The following RNGTT variants were observed in gnomAD, a reference collection of about 807,000 sequenced individuals.
RNGTT encodes RNA guanylyltransferase and 5'-phosphatase.
A neutral mutation model predicts 79.3 loss-of-function variants in RNGTT; 33 were observed. That is an observed-to-expected ratio of 0.42 (90% CI 0.32 to 0.56). The LOEUF is 0.56. RNGTT is among the 20% of genes least tolerant of loss of function. The probability of loss-of-function intolerance (pLI) is 0.17; values close to 1 mark genes in which losing one functional copy is unlikely to be tolerated. For missense variants in RNGTT, 497 were observed against 739.1 expected (o/e 0.67, Z 3.80); for synonymous variants, 222 against 235.9 (o/e 0.94, Z 0.54).
chr6:88,705,306 T>C (rs1776093871), intron 13 of RNGTT, among the ~76,000 whole-genome samples: 1 of 152,262 alleles, frequency 6.6e-6, no homozygotes, highest in Non-Finnish European at 1.5e-5. Context: ...CATATCTCCT[T>C]GTAGAAAAAC....
chr6:88,811,916 A>T (rs1314292417), intron 11 of RNGTT, among the ~76,000 whole-genome samples: 1 of 152,090 alleles, frequency 6.6e-6, no homozygotes, highest in Non-Finnish European at 1.5e-5. Context: ...GTTTAGTTTT[A>T]AAACCCCCCC....
At chr6:88,682,582 T>G (rs1325603369) in intron 13 of RNGTT, among the ~76,000 whole-genome samples, 1 of 152,178 alleles carries the variant, frequency 6.6e-6, no homozygotes, top group East Asian at 1.9e-4. Context: ...TTTTTTCCTT[T>G]TTTTAAAATT....
At chr6:88,934,330 CTAGTCATAAA>C (rs1328858738) in intron 2 of RNGTT, among the ~76,000 whole-genome samples, 11 of 152,148 alleles carry the variant, frequency 7.2e-5, no homozygotes, top group Non-Finnish European at 5.9e-5. Context: ...GCCACTGTAC[CTAGTCATAAA>C]TAGCCATTCT....
intron 8 of RNGTT, among the ~76,000 whole-genome samples, chr6:88,870,535 T>C (rs1582564369): frequency 6.7e-6 from 1 of 148,540 alleles, no homozygotes; most frequent in South Asian, 2.1e-4. Flanking sequence ...AAAATCCAAA[T>C]GGGATAAAAG....
intron 14 of RNGTT, among the ~76,000 whole-genome samples, chr6:88,631,193 A>G (rs1244932676): frequency 1.3e-5 from 2 of 152,180 alleles, no homozygotes; most frequent in Non-Finnish European, 2.9e-5. Context: ...CTACAAACGA[A>G]AAGTTCTTTG....
intron 13 of RNGTT, among the ~76,000 whole-genome samples, chr6:88,766,674 T>C (rs967202091): frequency 6.6e-6 from 1 of 152,120 alleles, no homozygotes; most frequent in Non-Finnish European, 1.5e-5. Context: ...AACAGAAATC[T>C]ATACTATTAG....
chr6:88,844,375 G>T lies in RNGTT; in HGVS notation c.1251C>A (p.Asp417Glu). The T allele has an allele frequency of 2.5e-6, 4 of 1,612,736 alleles. No individual in the cohort carries two copies. The highest frequency in any genetic ancestry group is 3.4e-6 in the Non-Finnish European group (4 of 1,179,658). Reference protein sequence around the residue: ...PFSVRNKPFFDICTSRKLLEG... With the variant: ...PFSVRNKPFFEICTSRKLLEG... ...ACTTTACCTTTCTTGAAGTACAGAT[G>T]TCAAAAAACGGCTTATTTCTGACGC... Residue 417 changes from aspartate (D) to glutamate (E), a missense_variant, in exon 11 of 16, where the codon GAC becomes GAA. Asp to Glu is a conservative substitution (Grantham distance 45). This residue lies in a region of RNGTT where 440 missense variants were observed against 671.5 expected (regional missense o/e 0.66). Transcript: ENST00000369485.
chr6:88,871,774 C>A (rs1033350990), intron 8 of RNGTT, among the ~76,000 whole-genome samples: 1 of 152,022 alleles, frequency 6.6e-6, no homozygotes, highest in Admixed American at 6.6e-5. Context: ...CAGAAACTTC[C>A]GGGAATTAAG....
At chr6:88,726,267 A>G (rs1776900272) in intron 13 of RNGTT, among the ~76,000 whole-genome samples, 2 of 152,144 alleles carry the variant, frequency 1.3e-5, no homozygotes, top group Non-Finnish European at 1.5e-5. Context: ...TAACCCACGG[A>G]TGGCCTAAAT....
At chr6:88,871,382 T>C (rs1483665686) in intron 8 of RNGTT, among the ~76,000 whole-genome samples, 2 of 151,904 alleles carry the variant, frequency 1.3e-5, no homozygotes, top group Non-Finnish European at 2.9e-5. Context: ...TAAAGCTATA[T>C]GGTCCTGAAA....
chr6:88,662,088 G>C (rs1774208054), intron 14 of RNGTT, among the ~76,000 whole-genome samples: 2 of 152,156 alleles, frequency 1.3e-5, no homozygotes, highest in African/African-American at 4.8e-5. Flanking sequence ...TCCAGAAAAA[G>C]CATTTGACAA....
chr6:88,921,399 CAGTTGAT>C, intron 4 of RNGTT, among the ~76,000 whole-genome samples: 1 of 152,002 alleles, frequency 6.6e-6, no homozygotes, highest in African/African-American at 2.4e-5. Context: ...ATTCAGTTAT[CAGTTGAT>C]AATTGGTGAG....
chr6:88,756,538 T>C (rs79016892), intron 13 of RNGTT, among the ~76,000 whole-genome samples: 1 of 152,230 alleles, frequency 6.6e-6, no homozygotes, highest in East Asian at 1.9e-4. Flanking sequence ...TACTTTAGCA[T>C]ACAAATGTTG....
chr6:88,948,679 G>C (rs9451111), intron 1 of RNGTT, among the ~76,000 whole-genome samples: 3,104 of 128,178 alleles, frequency 0.024, 19 homozygotes, highest in African/African-American at 0.088. Context: ...AGGCGGGAAA[G>C]GTGGGGAAAA....
intron 5 of RNGTT, 40 bp from the exon 6 acceptor site, chr6:88,904,995 C>A: frequency 6.3e-7 from 1 of 1,598,946 alleles, no homozygotes; most frequent in Non-Finnish European, 8.5e-7. Flanking sequence ...TCGCTATCCT[C>A]TATTTATGCA....
At chr6:88,716,011 C>T (rs552461795) in intron 13 of RNGTT, among the ~76,000 whole-genome samples, 6 of 151,894 alleles carry the variant, frequency 4.0e-5, no homozygotes. Context: ...AAAGAAACTA[C>T]CATCAGAGTG....
At chr6:88,922,258 C>T (rs1383771623) in intron 4 of RNGTT, among the ~76,000 whole-genome samples, 1 of 151,642 alleles carries the variant, frequency 6.6e-6, no homozygotes, top group African/African-American at 2.4e-5. Context: ...TATATAAATA[C>T]ATATTTATGG....
intron 6 of RNGTT, among the ~76,000 whole-genome samples, chr6:88,902,756 C>T (rs999501689): frequency 1.6e-5 from 2 of 124,758 alleles, no homozygotes; most frequent in Non-Finnish European, 3.1e-5. Flanking sequence ...GGTACAGTGG[C>T]GCAATCTTGG....
chr6:88,813,567 A>G (rs1780212720), intron 11 of RNGTT, among the ~76,000 whole-genome samples: 1 of 152,202 alleles, frequency 6.6e-6, no homozygotes, highest in Non-Finnish European at 1.5e-5. Context: ...TTGCTCGGTA[A>G]CATTTTTAGC....
Sources: gnomAD v4.1 joint callset for allele counts (sites outside exome capture counted in the v4.1 genomes callset) on GRCh38, gnomAD v4.1.1 for gene constraint, gnomAD v4.1.1 regional missense constraint, MANE v1.5 for transcripts, NCBI Gene and HGNC (gene_info 2026-07-23, HGNC 2026-07-21) for gene names.